The following SEMA5A variants were observed in gnomAD, a reference collection of about 807,000 sequenced individuals.
The protein encoded by SEMA5A is semaphorin-5A.
Under a neutral mutation model 135.5 loss-of-function variants are expected in SEMA5A, and 55 were observed. The ratio of observed to expected loss-of-function variants is 0.41; its 90% CI spans 0.33 to 0.51. The LOEUF (loss-of-function observed/expected upper bound fraction) is 0.51, where lower values mean the gene tolerates loss of function less well. Ranked by LOEUF, SEMA5A falls within the 20% of genes least tolerant of loss-of-function variation. The pLI, the probability that SEMA5A is intolerant of heterozygous loss-of-function variation, is 0.37. For missense variants in SEMA5A, 1,290 were observed against 1,419.9 expected, an observed-to-expected ratio of 0.91 and a Z score of 1.47; for synonymous variants, 580 against 546.5, an observed-to-expected ratio of 1.06 and a Z score of -0.85.
At chr5:9,205,525 G>A (rs1248264174) in intron 8 of SEMA5A, among the ~76,000 whole-genome samples, 1 of 152,072 alleles carries the variant, frequency 6.6e-6, no homozygotes, top group African/African-American at 2.4e-5. Context: ...CAGACAAGGA[G>A]AAGACTGAGC....
chr5:9,474,844 C>T (rs1759610538), intron 1 of SEMA5A, among the ~76,000 whole-genome samples: 1 of 152,234 alleles, frequency 6.6e-6, no homozygotes, highest in Admixed American at 6.5e-5. Context: ...ACATTGGTTT[C>T]TGAAACAGGT....
rs1176938291 is a variant in SEMA5A, at chr5:9,154,079, A to G, written c.1481+409T>C. ...AAAAAAAAAATATATATATATATAT[A>G]TATATATATATATATGTGTGTGTGT... On this transcript the variant is annotated intron_variant, in intron 12 of 22. Transcript: ENST00000382496. Among the ~76,000 whole-genome samples, 34 of 60,508 alleles carry G rather than the reference A, an allele frequency of 5.6e-4. 1 individual carries two copies. Among genetic ancestry groups the G allele is most frequent in the Middle Eastern group, 7.5e-3 (1 of 134 alleles). 39.7% of individuals were successfully genotyped at this position (60,508 alleles called of 152,430 possible). A position where few individuals can be genotyped will look rare whatever the true frequency, so the allele number is the denominator to read the frequency against.
chr5:9,159,294 A>G (rs1029583130), intron 11 of SEMA5A, among the ~76,000 whole-genome samples: 9 of 152,240 alleles, frequency 5.9e-5, no homozygotes, highest in African/African-American at 2.2e-4. Context: ...GTGAACATTA[A>G]TTATAAGGCT....
chr5:9,214,968 C>T (rs772996036), intron 8 of SEMA5A, among the ~76,000 whole-genome samples: 1 of 152,128 alleles, frequency 6.6e-6, no homozygotes, highest in Non-Finnish European at 1.5e-5. Flanking sequence ...AGGAGAGAAG[C>T]GCCCCTTCCC....
chr5:9,187,062 C>A (rs1744848667), intron 11 of SEMA5A, among the ~76,000 whole-genome samples: 1 of 151,940 alleles, frequency 6.6e-6, no homozygotes, highest in South Asian at 2.1e-4. Flanking sequence ...ACCGGAAAAA[C>A]ATCAGCTTTT....
chr5:9,391,406 G>C (rs1343096000), intron 2 of SEMA5A, among the ~76,000 whole-genome samples: 1 of 144,690 alleles, frequency 6.9e-6, no homozygotes, highest in Non-Finnish European at 1.5e-5. Context: ...CCTTCAACCT[G>C]TGCCTGAAAC....
intron 14 of SEMA5A, among the ~76,000 whole-genome samples, chr5:9,119,438 A>G (rs759406722): frequency 2.0e-4 from 30 of 152,334 alleles, no homozygotes; most frequent in Non-Finnish European, 4.1e-4. Context: ...TCATGAAAAT[A>G]TTAAACTAAT....
At chr5:9,216,939 C>T (rs1041881074) in intron 8 of SEMA5A, among the ~76,000 whole-genome samples, 1 of 152,174 alleles carries the variant, frequency 6.6e-6, no homozygotes, top group African/African-American at 2.4e-5. Flanking sequence ...CTCCACCTTG[C>T]CACTCTGTGC....
At chr5:9,262,752 C>G (rs1391917201) in intron 5 of SEMA5A, among the ~76,000 whole-genome samples, 2 of 95,174 alleles carry the variant, frequency 2.1e-5, no homozygotes, top group Non-Finnish European at 4.1e-5. Context: ...GTGGTGGGGT[C>G]GGGGGAGGGG....
At chr5:9,178,875 T>C (rs1193180725) in intron 11 of SEMA5A, among the ~76,000 whole-genome samples, 1 of 152,176 alleles carries the variant, frequency 6.6e-6, no homozygotes. Context: ...CATAACTGAA[T>C]TTTCCAGGAT....
chr5:9,054,024 T>G, intron 19 of SEMA5A, 63 bp downstream of exon 19: 1 of 1,523,368 alleles, frequency 6.6e-7, no homozygotes, highest in Non-Finnish European at 8.8e-7. Context: ...ATTACACCAT[T>G]TATCCATTAA....
At chr5:9,144,839 C>T (rs1028602861) in intron 12 of SEMA5A, among the ~76,000 whole-genome samples, 31 of 152,210 alleles carry the variant, frequency 2.0e-4, no homozygotes, top group East Asian at 1.9e-3. Context: ...TGATTTGCCC[C>T]GGCAGAGTCA....
intron 21 of SEMA5A, among the ~76,000 whole-genome samples, chr5:9,047,183 C>A (rs972843590): frequency 6.6e-6 from 1 of 152,200 alleles, no homozygotes; most frequent in African/African-American, 2.4e-5. Flanking sequence ...CTCTCAGGGT[C>A]AATGCCTTCT....
At chr5:9,393,981 C>A (rs13175270) in intron 2 of SEMA5A, among the ~76,000 whole-genome samples, 6,748 of 151,758 alleles carry the variant, frequency 0.044, 212 homozygotes, top group Middle Eastern at 0.079. Context: ...GAAATAAGAA[C>A]GTTGAGAGAA....
chr5:9,221,299 C>CTTTTTTT (rs869063755), intron 8 of SEMA5A, among the ~76,000 whole-genome samples: 2 of 103,220 alleles, frequency 1.9e-5, no homozygotes, highest in Non-Finnish European at 3.9e-5. Context: ...CGAACATTTT[C>CTTTTTTT]TTTTTTTTTT....
intron 2 of SEMA5A, among the ~76,000 whole-genome samples, chr5:9,436,904 T>G (rs902787879): frequency 6.6e-6 from 1 of 152,134 alleles, no homozygotes; most frequent in Non-Finnish European, 1.5e-5. Context: ...GAGCCAGCCT[T>G]TGGAAGATCC....
chr5:9,242,035 G>C (rs567580503), intron 5 of SEMA5A, among the ~76,000 whole-genome samples: 1 of 152,290 alleles, frequency 6.6e-6, no homozygotes, highest in Admixed American at 6.5e-5. Context: ...CCACCTGAGG[G>C]CTTTCTTTTT....
chr5:9,197,112 C>G, intron 10 of SEMA5A, 56 bp downstream of exon 10: 1 of 1,608,722 alleles, frequency 6.2e-7, no homozygotes, highest in Non-Finnish European at 8.5e-7. Context: ...CTACACAAGG[C>G]TTCTGCATTC....
Position 9,337,919 on chromosome 5 carries a change from T to G in SEMA5A, c.125-107A>C, listed in dbSNP as rs1443407068. On this transcript the variant is annotated intron_variant, in intron 3 of 22. Coordinates refer to ENST00000382496, the MANE Select transcript of SEMA5A (RefSeq NM_003966.3). ...GCAGACGTTACATTTCAGAGAGGAT[T>G]CGGAGGTCCCTCTATGCCATCTTTC... 1.4e-5 allele frequency: 10 copies of G among 739,666 alleles called. No individual in the cohort carries two copies. In the Admixed American group the frequency reaches 2.6e-4, roughly 19 times the overall value. 45.8% of individuals were successfully genotyped at this position (739,666 alleles called of 1,614,324 possible).
Sources: gnomAD v4.1 joint callset for allele counts (sites outside exome capture counted in the v4.1 genomes callset) on GRCh38, gnomAD v4.1.1 for gene constraint, MANE v1.5 for transcripts, NCBI Gene and HGNC (gene_info 2026-07-23, HGNC 2026-07-21) for gene names.